NOS3: variants seen among roughly 807,000 people sequenced by gnomAD.
NOS3 encodes nitric oxide synthase 3, also known as NOS type III.
In NOS3, 98 loss-of-function variants were observed where a neutral mutation model predicts 144.9. That is an observed-to-expected ratio of 0.68 (90% confidence interval 0.57 to 0.80). The LOEUF is 0.80. Among genes scored for constraint, NOS3 ranks in the 30% least tolerant of loss-of-function variants. The probability of loss-of-function intolerance (pLI) is 0.00; values close to 1 mark genes in which losing one functional copy is unlikely to be tolerated. For missense variants in NOS3, 1,465 were observed against 1,656.4 expected, an observed-to-expected ratio of 0.88 and a Z score of 2.01; for synonymous variants, 714 against 702.4, an observed-to-expected ratio of 1.02 and a Z score of -0.26.
chr7:151,013,490 A>T, intron 25 of NOS3, 111 bp downstream of exon 25: 1 of 1,367,154 alleles, frequency 7.3e-7, no homozygotes, highest in Non-Finnish European at 9.9e-7. Flanking sequence ...TCCCACGACC[A>T]CTCAGCCACC....
chr7:151,012,025 A>C, intron 23 of NOS3: 1 of 305,322 alleles, frequency 3.3e-6, no homozygotes, highest in Non-Finnish European at 6.4e-6. Context: ...ACTAAATACC[A>C]CTATTAAGGA....
chr7:151,012,276 T>C (rs994233524), intron 23 of NOS3, 75 bp from the exon 24 acceptor site: 4 of 1,319,906 alleles, frequency 3.0e-6, no homozygotes, highest in Admixed American at 5.1e-5. Flanking sequence ...TCCTCCTTGC[T>C]CCACCCACCC....
rs749914667 is a variant in NOS3, at chr7:151,002,163, G to A, written c.1648-37G>A. The A allele has an allele frequency of 6.8e-6, 10 of 1,476,900 alleles. No individual in the cohort carries two copies. The South Asian group carries it at 9.5e-5, about 14-fold the overall frequency. The allele number at this position is 1,476,900 out of a possible 1,614,324, so 91.5% of individuals were successfully genotyped here. On this transcript the variant is annotated intron_variant, in intron 13 of 26. Transcript: ENST00000297494. The surrounding 1 kb of genome is among the most constrained non-coding windows in gnomAD (Gnocchi z 4.1). ...AGTGAGGAGGGCAGGGCCTCCGGGG[G>A]CCACAGCACCCAGGACATCTGTCTT...
chr7:151,010,063 A>C, intron 20 of NOS3, 52 bp from the exon 21 acceptor site: 2 of 1,104,478 alleles, frequency 1.8e-6, no homozygotes, highest in Non-Finnish European at 2.7e-6. Context: ...CAGCCCAGGT[A>C]CTGCAGTCCT....
intron 19 of NOS3, 40 bp from the exon 20 acceptor site, chr7:151,009,358 C>CCCCCCT: frequency 9.9e-7 from 1 of 1,006,402 alleles, no homozygotes; most frequent in Non-Finnish European, 1.5e-6. Context: ...GCCCCCACCC[C>CCCCCCT]TCTCTGACTC....
chr7:151,003,795 C>T lies in NOS3; in HGVS notation c.1752+1491C>T, dbSNP rs531154996. Reference sequence around the variant, plus strand: ...GGCGCACTCGTGTTGCTGCGTGACTCAGTATTTCACTCATTCTGCTGCTGA... The same window carrying T: ...GGCGCACTCGTGTTGCTGCGTGACTTAGTATTTCACTCATTCTGCTGCTGA... On this transcript the variant is annotated intron_variant, in intron 14 of 26. Coordinates refer to ENST00000297494, the MANE Select transcript of NOS3 (RefSeq NM_000603.5). This position sits in a 1 kb window ranked among gnomAD's most constrained non-coding sequence, Gnocchi z 4.1. The T allele has an allele frequency of 2.2e-6, 1 of 462,518 alleles. No homozygotes were observed. Among genetic ancestry groups the T allele is most frequent in the East Asian group, 7.0e-5 (1 of 14,244 alleles). The allele number at this position is 462,518 out of a possible 1,614,324, so 28.7% of individuals were successfully genotyped here.
At chr7:150,996,597 C>A (rs551952882) in intron 4 of NOS3, 45 bp downstream of exon 4, 65 of 1,553,772 alleles carry the variant, frequency 4.2e-5, no homozygotes, top group Non-Finnish European at 5.5e-5. Context: ...CCCACTGAGG[C>A]CCCAGAAACC....
At position 150,998,457 on chromosome 7, in the gene NOS3, C is replaced by G; in HGVS notation, c.674+9C>G. 1 of 1,612,026 alleles carries G rather than the reference C, an allele frequency of 6.2e-7. No individual in the cohort carries two copies. Among genetic ancestry groups the G allele is most frequent in the East Asian group, 2.2e-5 (1 of 44,884 alleles). On this transcript the variant is annotated intron_variant, in intron 6 of 26. Transcript: ENST00000297494. This position sits in a 1 kb window ranked among gnomAD's most constrained non-coding sequence, Gnocchi z 5.0. The stretch of plus-strand genomic sequence containing the variant: ...AACCGGGGCAACCTTCGGTGAGTGC[C>G]CCCCACCATGCCAGGCCCCAGCCTT...
Position 151,002,256 on chromosome 7 carries a change from G to T in NOS3, c.1704G>T (p.Leu568=). The T allele has an allele frequency of 6.2e-7, 1 of 1,601,518 alleles. No homozygotes were observed. The highest frequency in any genetic ancestry group is 1.1e-5 in the South Asian group (1 of 88,610). Reference sequence around the variant, plus strand: ...CCCTCGAACACGAGACGCTGGTGCTGGTGGTAACCAGCACATTTGGGAATG... The same window carrying T: ...CCCTCGAACACGAGACGCTGGTGCTTGTGGTAACCAGCACATTTGGGAATG... ...VVSLEHETLV[L]VVTSTFGNGD... Residue 568 remains leucine, a synonymous_variant, in exon 14 of 27, where the codon CTG becomes CTT. Transcript: ENST00000297494. This position sits in a 1 kb window ranked among gnomAD's most constrained non-coding sequence, Gnocchi z 4.1.
chr7:151,001,085 G>A, intron 10 of NOS3, 146 bp from the exon 11 acceptor site: 1 of 747,152 alleles, frequency 1.3e-6, no homozygotes, highest in Non-Finnish European at 2.3e-6. Context: ...GGGTGAGGGT[G>A]ACATTGTGGT....
In NOS3 at chr7:151,007,599, C is replaced by A. The variant is rs146553236; in HGVS notation, c.2112+323C>A. On this transcript the variant is annotated intron_variant, in intron 17 of 26. Coordinates refer to ENST00000297494, the MANE Select transcript of NOS3 (RefSeq NM_000603.5). ...AGGGGGTGCAGGGCAGGGCAGGGGACCCCACCCAGGATGGGCAGGATGGAG... is the reference window on the plus strand; with the variant it reads ...AGGGGGTGCAGGGCAGGGCAGGGGAACCCACCCAGGATGGGCAGGATGGAG... 1.4e-4 allele frequency among the ~76,000 whole-genome samples: 21 copies of A among 152,246 alleles called. No homozygotes were observed. The East Asian group carries it at 3.9e-3, about 28-fold the overall frequency.
In NOS3 at chr7:151,003,581, G is replaced by A. The variant is rs1178607214; in HGVS notation, c.1752+1277G>A. 7.8e-7 allele frequency: 1 copy of A among 1,283,414 alleles called. No homozygotes were observed. The highest frequency in any genetic ancestry group is 1.0e-6 in the Non-Finnish European group (1 of 969,566). 79.5% of individuals were successfully genotyped at this position (1,283,414 alleles called of 1,614,324 possible). On this transcript the variant is annotated intron_variant, in intron 14 of 26. Coordinates refer to ENST00000297494, the MANE Select transcript of NOS3 (RefSeq NM_000603.5). This position sits in a 1 kb window ranked among gnomAD's most constrained non-coding sequence, Gnocchi z 4.1. The stretch of plus-strand genomic sequence containing the variant: ...TGTATAGACACCCATATAACCTACA[G>A]CCTTCACAAGGCATAGCACATTTTC...
chr7:151,013,212 A>G lies in NOS3; in HGVS notation c.3107-19A>G, dbSNP rs1406511723. 2 of 1,604,476 alleles carry G rather than the reference A, an allele frequency of 1.2e-6. No individual in the cohort carries two copies. Among genetic ancestry groups the G allele is most frequent in the Non-Finnish European group, 1.7e-6 (2 of 1,174,148 alleles). On this transcript the variant is annotated intron_variant, in intron 24 of 26. Coordinates refer to ENST00000297494, the MANE Select transcript of NOS3 (RefSeq NM_000603.5). ...TGTGCCCCGGAGAAGAGCCTTCCCA[A>G]GCGCGGGGTTGCTTGCAGGGCTGCA...
chr7:151,004,037 T>A (rs963730486), intron 14 of NOS3: 99 of 219,618 alleles, frequency 4.5e-4, no homozygotes, highest in Middle Eastern at 1.7e-3. Context: ...TTCACTTTTT[T>A]AAAAAATAAA....
intron 17 of NOS3, among the ~76,000 whole-genome samples, chr7:151,008,213 A>C (rs1795235571): frequency 6.6e-6 from 1 of 152,104 alleles, no homozygotes; most frequent in African/African-American, 2.4e-5. Flanking sequence ...AGCAGTGGAG[A>C]TAGGAAGGAA....
Position 151,009,240 on chromosome 7 carries a change from T to A in NOS3, c.2297T>A (p.Val766Glu). Residue 766 changes from valine to glutamate, a missense_variant, in exon 19 of 27, where the codon GTG becomes GAG. Around this residue, in one of 5 missense-constraint regions of NOS3, gnomAD observed 745 missense variants for 853.9 expected, o/e 0.87. Transcript: ENST00000297494. ...RKMFQATIRS[V>E]ENLQSSKSTR... is the part of the protein sequence containing the mutation. ...ATGTTCCAGGCTACAATCCGCTCAG[T>A]GGAAAACCTGCAAAGCAGCAAGTCC... The A allele has an allele frequency of 6.2e-7, 1 of 1,613,476 alleles. No homozygotes were observed. The highest frequency in any genetic ancestry group is 8.5e-7 in the Non-Finnish European group (1 of 1,179,784).
intron 16 of NOS3, 29 bp from the exon 17 acceptor site, chr7:151,007,073 G>C: frequency 6.2e-7 from 1 of 1,614,108 alleles, no homozygotes; most frequent in Non-Finnish European, 8.5e-7. Context: ...CCTGCAAAGG[G>C]AGCTCCACTG....
Position 151,002,180 on chromosome 7 carries a change from A to G in NOS3, c.1648-20A>G, listed in dbSNP as rs1323435180. 3 of 1,543,640 alleles carry G rather than the reference A, an allele frequency of 1.9e-6. No individual in the cohort carries two copies. The highest frequency in any genetic ancestry group is 2.7e-6 in the Non-Finnish European group (3 of 1,128,948). On this transcript the variant is annotated intron_variant, in intron 13 of 26. Coordinates refer to ENST00000297494, the MANE Select transcript of NOS3 (RefSeq NM_000603.5). The surrounding 1 kb of genome is among the most constrained non-coding windows in gnomAD (Gnocchi z 4.1). ...CTCCGGGGGCCACAGCACCCAGGAC[A>G]TCTGTCTTCCCACCCACAGGTCCTG...
chr7:151,006,512 TTGGGGGAGC>T lies in NOS3; in HGVS notation c.1820+30_1820+38del, dbSNP rs751028588. The T allele has an allele frequency of 1.2e-6, 2 of 1,605,122 alleles. No individual in the cohort carries two copies. Among genetic ancestry groups the T allele is most frequent in the Non-Finnish European group, 1.7e-6 (2 of 1,173,750 alleles). ...CAGCACAAGTGAGTTGGGTGAGAGT[TTGGGGGAGC>T]TGGGGGAGCTGATGCATTTGGAGAC... is the stretch of plus-strand genomic sequence containing the variant. On this transcript the variant is annotated intron_variant, in intron 15 of 26. Transcript: ENST00000297494.
Sources: allele counts gnomAD v4.1 joint callset (sites outside exome capture counted in the v4.1 genomes callset), GRCh38; gene constraint gnomAD v4.1.1; regional missense constraint gnomAD v4.1.1; non-coding constraint Gnocchi (gnomAD v3.1); transcripts MANE v1.5; gene names NCBI Gene and HGNC (gene_info 2026-07-23, HGNC 2026-07-21).